Variants in FMNL1 observed in about 807,000 individuals in gnomAD.
FMNL1 encodes formin-like protein 1.
A neutral mutation model predicts 121.3 loss-of-function variants in FMNL1; 43 were observed. The ratio of observed to expected loss-of-function variants is 0.35; its 90% CI spans 0.28 to 0.46. The LOEUF (loss-of-function observed/expected upper bound fraction) is 0.46, where lower values mean the gene tolerates loss of function less well. Among genes scored for constraint, FMNL1 ranks in the 20% least tolerant of loss-of-function variants. The probability of loss-of-function intolerance (pLI) is 1.00; values close to 1 mark genes in which losing one functional copy is unlikely to be tolerated. For synonymous variants in FMNL1, 613 were observed against 613.5 expected (o/e 1.00, Z 0.01); for missense variants, 1,191 against 1,482.4 (o/e 0.80, Z 3.23).
chr17:45,232,306 T>C, intron 2 of FMNL1, 61 bp from the exon 3 acceptor site: 1 of 1,476,488 alleles, frequency 6.8e-7, no homozygotes, highest in Non-Finnish European at 9.4e-7. Flanking sequence ...GGACGAGAAC[T>C]GGTCATTTGC....
At chr17:45,230,557 C>T in intron 1 of FMNL1, 47 bp from the exon 2 acceptor site, 1 of 1,604,684 alleles carries the variant, frequency 6.2e-7, no homozygotes, top group Non-Finnish European at 8.5e-7. Context: ...CCCCTCTCCC[C>T]TTGTTGGGGC....
intron 6 of FMNL1, among the ~76,000 whole-genome samples, chr17:45,235,847 C>G (rs2043537596): frequency 6.6e-6 from 1 of 152,192 alleles, no homozygotes; most frequent in Admixed American, 6.5e-5. Flanking sequence ...CCATGAGCGC[C>G]ACCTTGTGGT....
chr17:45,223,334 A>C (rs1401921169), intron 1 of FMNL1, among the ~76,000 whole-genome samples: 3 of 152,102 alleles, frequency 2.0e-5, no homozygotes, highest in African/African-American at 7.2e-5. Context: ...CATCTCCTTG[A>C]CATCATTTCC....
Position 45,241,393 on chromosome 17 carries a change from C to A in FMNL1, c.1344C>A (p.Ser448Arg). 6.4e-7 allele frequency: 1 copy of A among 1,567,274 alleles called. No individual in the cohort carries two copies. Among genetic ancestry groups the A allele is most frequent in the Non-Finnish European group, 8.6e-7 (1 of 1,156,726 alleles). ...CGTGGGGTTCGTAGGAGCGCTTCAG[C>A]GAATCGACCGCCATGGGGCCCTCCA... is the stretch of plus-strand genomic sequence containing the variant. ...KELETLRERF[S>R]ESTAMGPSRR... Residue 448 changes from serine (S) to arginine (R), a missense_variant, in exon 14 of 27, where the codon AGC becomes AGA. By Grantham distance (110) the Ser-to-Arg change is moderately radical (BLOSUM62 -1). Around this residue, in one of 4 missense-constraint regions of FMNL1, gnomAD observed 519 missense variants for 492.8 expected, o/e 1.05. Transcript: ENST00000331495. This position sits in a 1 kb window ranked among gnomAD's most constrained non-coding sequence, Gnocchi z 7.0.
intron 11 of FMNL1, among the ~76,000 whole-genome samples, chr17:45,240,049 C>G (rs1367834236): frequency 6.6e-6 from 1 of 152,200 alleles, no homozygotes; most frequent in African/African-American, 2.4e-5. Context: ...CCTCAGCCTC[C>G]CACAGTGCTG....
In FMNL1 at chr17:45,242,042, C is replaced by A; in HGVS notation, c.1781C>A (p.Pro594His). 6.9e-7 allele frequency: 1 copy of A among 1,454,808 alleles called. No individual in the cohort carries two copies. The highest frequency in any genetic ancestry group is 1.3e-5 in the South Asian group (1 of 78,062). 90.1% of individuals were successfully genotyped at this position (1,454,808 alleles called of 1,614,324 possible). A position where few individuals can be genotyped will look rare whatever the true frequency, so the allele number is the denominator to read the frequency against. The change falls in exon 15 of 27, where the codon CCT (proline) becomes CAT (histidine). Residue 594 changes from proline to histidine, a missense_variant. Pro to His is a moderately conservative substitution (Grantham distance 77). Transcript: ENST00000331495. The part of the protein sequence containing the change: ...LPPPPPPPPP[P>H]PGTDGPVPPP... ...CCCCCACCCCCGCCACCGCCACCACCTCCGGGCACTGACGGGCCGGTGCCT... is the reference window on the plus strand; with the variant it reads ...CCCCCACCCCCGCCACCGCCACCACATCCGGGCACTGACGGGCCGGTGCCT...
intron 6 of FMNL1, among the ~76,000 whole-genome samples, chr17:45,235,778 T>C (rs908749134): frequency 6.6e-6 from 1 of 152,230 alleles, no homozygotes; most frequent in Non-Finnish European, 1.5e-5. Flanking sequence ...GGGATGCGCC[T>C]GAACCCTGGC....
Position 45,243,806 on chromosome 17 carries a change from T to G in FMNL1, c.2229T>G (p.Ala743=), listed in dbSNP as rs573540840. 2 of 1,611,774 alleles carry G rather than the reference T, an allele frequency of 1.2e-6. No individual in the cohort carries two copies. Among genetic ancestry groups the G allele is most frequent in the Admixed American group, 3.3e-5 (2 of 59,986 alleles). The change falls in exon 18 of 27, where the codon GCT becomes GCG. Residue 743 remains alanine, a synonymous_variant. Transcript: ENST00000331495. ...CQAIEAYDLQ[A]LGLDFLELLM... ...CCTCTCACAGGTACGACCTGCAGGC[T>G]CTGGGCCTGGACTTCCTGGAGCTGC...
rs1334216884 is a variant in FMNL1 at position 45,244,995 on chromosome 17, C to T, written c.2615C>T (p.Ser872Leu). The T allele has an allele frequency of 1.2e-6, 2 of 1,613,510 alleles. No homozygotes were observed. The highest frequency in any genetic ancestry group is 1.7e-6 in the Non-Finnish European group (2 of 1,179,662). The change falls in exon 21 of 27, where the codon TCG becomes TTG. Residue 872 changes from serine to leucine, a missense_variant. Ser to Leu is a moderately radical substitution (Grantham distance 145, BLOSUM62 -2). Transcript: ENST00000331495. The part of the protein sequence containing the change: ...QSLDALLEMK[S>L]TDRKQTLLHY... ...CTTGTGCAGCTGTTGGAGATGAAGT[C>T]GACTGATCGCAAGCAGACGCTGCTG...
chr17:45,232,128 C>T (rs373606980), intron 2 of FMNL1, among the ~76,000 whole-genome samples: 1 of 152,018 alleles, frequency 6.6e-6, no homozygotes, highest in East Asian at 1.9e-4. Flanking sequence ...GAACTATGTT[C>T]GTGCCACAGC....
In FMNL1 at chr17:45,241,387, C is replaced by A; in HGVS notation, c.1338C>A (p.Arg446=). 1 of 1,571,136 alleles carries A rather than the reference C, an allele frequency of 6.4e-7. No homozygotes were observed. Among genetic ancestry groups the A allele is most frequent in the Non-Finnish European group, 8.6e-7 (1 of 1,158,830 alleles). ...ARKELETLRE[R]FSESTAMGPS... The stretch of plus-strand genomic sequence containing the variant: ...CCCTCCCGTGGGGTTCGTAGGAGCG[C>A]TTCAGCGAATCGACCGCCATGGGGC... Residue 446 remains arginine, a synonymous_variant, in exon 14 of 27, where the codon CGC becomes CGA. Transcript: ENST00000331495. This position sits in a 1 kb window ranked among gnomAD's most constrained non-coding sequence, Gnocchi z 7.0.
At chr17:45,232,832 A>G in intron 3 of FMNL1, 1 of 553,474 alleles carries the variant, frequency 1.8e-6, no homozygotes, top group Non-Finnish European at 3.4e-6. Flanking sequence ...CATATCTAGG[A>G]GAGAGAGAGA....
intron 6 of FMNL1, chr17:45,234,699 A>T (rs927299044): frequency 1.3e-4 from 20 of 155,604 alleles, no homozygotes; most frequent in South Asian, 1.1e-3. Context: ...AAAAGAAAAG[A>T]AAAAAGAAGC....
chr17:45,246,575 G>T lies in FMNL1; in HGVS notation c.3282G>T (p.Leu1094=). 1 of 1,609,758 alleles carries T rather than the reference G, an allele frequency of 6.2e-7. No homozygotes were observed. Among genetic ancestry groups the T allele is most frequent in the Non-Finnish European group, 8.5e-7 (1 of 1,176,836 alleles). ...CCCGGCTCCTCTGTGAGGCCAGCCT[G>T]GGAGAAGAGATGCCCCTCTAGCCCC... is the stretch of plus-strand genomic sequence containing the variant. ...RTSRLLCEAS[L]GEEMPL The change falls in exon 26 of 27, where the codon CTG becomes CTT. Residue 1094 remains leucine, a synonymous_variant. Transcript: ENST00000331495.
intron 9 of FMNL1, 149 bp from the exon 10 acceptor site, chr17:45,238,415 A>AGAGG (rs2043598588): frequency 1.4e-6 from 1 of 714,316 alleles, no homozygotes; most frequent in Admixed American, 2.6e-5. Flanking sequence ...TGGGAGATTG[A>AGAGG]GAGGGAGTGG....
At position 45,243,392 on chromosome 17, in the gene FMNL1, A is replaced by C; in HGVS notation, c.2213+72A>C. The C allele has an allele frequency of 3.3e-6, 5 of 1,538,022 alleles. No individual in the cohort carries two copies. The South Asian group carries it at 5.8e-5, about 18-fold the overall frequency. ...AGGCTGGGGTTGTCAGGCAGATCCT[A>C]GTAAAAGAGCCTCAATGGTGAGCTC... On this transcript the variant is annotated intron_variant, in intron 17 of 26. Transcript: ENST00000331495.
chr17:45,227,537 C>T (rs1182162642), intron 1 of FMNL1, among the ~76,000 whole-genome samples: 6 of 152,140 alleles, frequency 3.9e-5, no homozygotes, highest in Admixed American at 2.6e-4. Context: ...CCTCATCTGG[C>T]CCAAAGCACT....
Position 45,246,552 on chromosome 17 carries a change from C to T in FMNL1, c.3259C>T (p.Arg1087Trp), listed in dbSNP as rs1467307071. Residue 1087 changes from arginine (R) to tryptophan (W), a missense_variant, in exon 26 of 27, where the codon CGG (arginine) becomes TGG (tryptophan). Around this residue, in one of 4 missense-constraint regions of FMNL1, gnomAD observed 367 missense variants for 528.6 expected, o/e 0.69. Transcript: ENST00000331495. Reference protein sequence around the residue: ...FTARTGKRTSRLLCEASLGEE... With the variant: ...FTARTGKRTSWLLCEASLGEE... Reference sequence around the variant, plus strand: ...GGCCCGCACCGGCAAGCGGACATCCCGGCTCCTCTGTGAGGCCAGCCTGGG... The same window carrying T: ...GGCCCGCACCGGCAAGCGGACATCCTGGCTCCTCTGTGAGGCCAGCCTGGG... 2.5e-6 allele frequency: 4 copies of T among 1,613,370 alleles called. No homozygotes were observed. The highest frequency in any genetic ancestry group is 1.1e-5 in the South Asian group (1 of 91,078).
chr17:45,246,557 C>G lies in FMNL1; in HGVS notation c.3264C>G (p.Leu1088=). ...GCACCGGCAAGCGGACATCCCGGCT[C>G]CTCTGTGAGGCCAGCCTGGGAGAAG... ...TARTGKRTSR[L]LCEASLGEEM... The change falls in exon 26 of 27, where the codon CTC becomes CTG. Residue 1088 remains leucine (L), a synonymous_variant. Coordinates refer to ENST00000331495, the MANE Select transcript of FMNL1 (RefSeq NM_005892.4). 6.2e-7 allele frequency: 1 copy of G among 1,613,000 alleles called. No individual in the cohort carries two copies. The highest frequency in any genetic ancestry group is 8.5e-7 in the Non-Finnish European group (1 of 1,179,070).
Sources: gnomAD v4.1 joint callset for allele counts (sites outside exome capture counted in the v4.1 genomes callset) on GRCh38, gnomAD v4.1.1 for gene constraint, gnomAD v4.1.1 regional missense constraint, Gnocchi (gnomAD v3.1) non-coding constraint, MANE v1.5 for transcripts, NCBI Gene and HGNC (gene_info 2026-07-23, HGNC 2026-07-21) for gene names.